Variants in SEMA5A observed in about 807,000 individuals in gnomAD.
The protein encoded by SEMA5A is semaphorin 5A.
Under a neutral mutation model 135.5 loss-of-function variants are expected in SEMA5A, and 55 were observed. The observed-to-expected ratio is 0.41, with a 90% confidence interval of 0.33 to 0.51. The LOEUF (loss-of-function observed/expected upper bound fraction) is 0.51. SEMA5A is among the 20% of genes least tolerant of loss of function. The pLI is 0.37. For synonymous variants in SEMA5A, 580 were observed against 546.5 expected, an observed-to-expected ratio of 1.06 and a Z score of -0.85; for missense variants, 1,290 against 1,419.9, an observed-to-expected ratio of 0.91 and a Z score of 1.47.
intron 11 of SEMA5A, among the ~76,000 whole-genome samples, chr5:9,181,890 G>GC (rs1744533418): frequency 6.6e-6 from 1 of 151,322 alleles, no homozygotes; most frequent in Admixed American, 6.6e-5. Context: ...ACTCCCAGCC[G>GC]CAGAGTCCCT....
At chr5:9,111,784 G>T (rs550232445) in intron 15 of SEMA5A, among the ~76,000 whole-genome samples, 1 of 152,258 alleles carries the variant, frequency 6.6e-6, no homozygotes, top group East Asian at 1.9e-4. Context: ...GTGCTTGGAA[G>T]CCTGTAAGTA....
chr5:9,120,186 T>C (rs918621603), intron 14 of SEMA5A, among the ~76,000 whole-genome samples: 1 of 152,132 alleles, frequency 6.6e-6, no homozygotes, highest in Non-Finnish European at 1.5e-5. Context: ...CAATCACATA[T>C]GCATTTCTTT....
intron 5 of SEMA5A, among the ~76,000 whole-genome samples, chr5:9,249,498 T>C (rs1430595371): frequency 1.3e-5 from 2 of 152,212 alleles, no homozygotes; most frequent in Non-Finnish European, 2.9e-5. Context: ...TCCCTGGGTA[T>C]CTCCCGTGTG....
At chr5:9,059,170 T>C (rs1475601686) in intron 18 of SEMA5A, among the ~76,000 whole-genome samples, 1 of 144,610 alleles carries the variant, frequency 6.9e-6, no homozygotes, top group East Asian at 1.9e-4. Context: ...CATTTTCTTT[T>C]CTTTTTTTTT....
In SEMA5A at chr5:9,136,624, G is replaced by A. The variant is rs1451173798; in HGVS notation, c.1482-3C>T. The A allele has an allele frequency of 6.2e-7, 1 of 1,609,032 alleles. No homozygotes were observed. Among genetic ancestry groups the A allele is most frequent in the Non-Finnish European group, 8.5e-7 (1 of 1,175,620 alleles). ...GGTCCTGGGCCCCAATGCAGGTGCT[G>A]GAAACACACACCAAATGGTCAACAG... On this transcript the variant is annotated splice_polypyrimidine_tract_variant and splice_region_variant and intron_variant, in intron 12 of 22. Coordinates refer to ENST00000382496, the MANE Select transcript of SEMA5A (RefSeq NM_003966.3).
intron 4 of SEMA5A, among the ~76,000 whole-genome samples, chr5:9,324,315 A>G (rs1490417868): frequency 6.6e-6 from 1 of 151,656 alleles, no homozygotes; most frequent in Non-Finnish European, 1.5e-5. Context: ...TGATCCACCC[A>G]CATCAGCCTC....
chr5:9,229,131 T>C (rs1747480212), intron 6 of SEMA5A, among the ~76,000 whole-genome samples: 1 of 152,164 alleles, frequency 6.6e-6, no homozygotes, highest in Non-Finnish European at 1.5e-5. Flanking sequence ...CAAGGGTGGA[T>C]TATCCTCCTA....
intron 11 of SEMA5A, among the ~76,000 whole-genome samples, chr5:9,181,642 A>G (rs1744517113): frequency 6.6e-6 from 1 of 152,084 alleles, no homozygotes; most frequent in South Asian, 2.1e-4. Flanking sequence ...CCCAGGTTCT[A>G]GGTCTGCATC....
At chr5:9,134,979 A>G (rs1031143310) in intron 13 of SEMA5A, among the ~76,000 whole-genome samples, 3 of 152,156 alleles carry the variant, frequency 2.0e-5, no homozygotes, top group Non-Finnish European at 4.4e-5. Flanking sequence ...GGCTACTAAA[A>G]TAATAGATCT....
At chr5:9,163,059 T>C (rs1743381214) in intron 11 of SEMA5A, among the ~76,000 whole-genome samples, 1 of 152,142 alleles carries the variant, frequency 6.6e-6, no homozygotes, top group South Asian at 2.1e-4. Context: ...TAGCAGTTGT[T>C]ATTCCAGGAA....
At chr5:9,248,918 T>C (rs1748623925) in intron 5 of SEMA5A, among the ~76,000 whole-genome samples, 1 of 152,224 alleles carries the variant, frequency 6.6e-6, no homozygotes, top group Non-Finnish European at 1.5e-5. Context: ...AAAATTTCTG[T>C]TGCTCTAACC....
At chr5:9,271,282 T>C (rs1749960681) in intron 5 of SEMA5A, among the ~76,000 whole-genome samples, 1 of 152,202 alleles carries the variant, frequency 6.6e-6, no homozygotes, top group South Asian at 2.1e-4. Context: ...CCATGCTTCC[T>C]GTTAAGCCTG....
intron 11 of SEMA5A, 74 bp downstream of exon 11, chr5:9,190,193 T>C (rs1745022022): frequency 2.0e-6 from 3 of 1,470,432 alleles, no homozygotes; most frequent in Non-Finnish European, 9.4e-7. Context: ...TGAAATTGAA[T>C]GTTTAGAATC....
At chr5:9,473,988 G>C (rs1473760716) in intron 1 of SEMA5A, among the ~76,000 whole-genome samples, 1 of 152,106 alleles carries the variant, frequency 6.6e-6, no homozygotes, top group East Asian at 1.9e-4. Flanking sequence ...GATAGGAATG[G>C]AATGCCCACT....
At position 9,194,973 on chromosome 5, in the gene SEMA5A, G is replaced by A. The variant is rs544247805; in HGVS notation, c.1068+2195C>T. Among the ~76,000 whole-genome samples, 56 of 152,300 alleles carry A rather than the reference G, an allele frequency of 3.7e-4. 1 individual carries two copies. In the South Asian group the frequency reaches 0.011, roughly 29 times the overall value. On this transcript the variant is annotated intron_variant, in intron 10 of 22. Coordinates refer to ENST00000382496, the MANE Select transcript of SEMA5A (RefSeq NM_003966.3). ...GGGGCTATGAAGTTTACTAAGCCAC[G>A]CTGTTCACAGTAAGGCCTTCTGCAA... is the stretch of plus-strand genomic sequence containing the variant.
At position 9,272,875 on chromosome 5, in the gene SEMA5A, C is replaced by T. The variant is rs945869626; in HGVS notation, c.271-34985G>A. ...GCCAAAGGTCACTGACTTCAAAGAC[C>T]AAAGGTAGATAAATCCACGAAGATG... On this transcript the variant is annotated intron_variant, in intron 5 of 22. Coordinates refer to ENST00000382496, the MANE Select transcript of SEMA5A (RefSeq NM_003966.3). Among the ~76,000 whole-genome samples, 5 of 152,220 alleles carry T rather than the reference C, an allele frequency of 3.3e-5. No homozygotes were observed. The East Asian group carries it at 9.7e-4, about 29-fold the overall frequency.
At chr5:9,142,334 C>G (rs1016452317) in intron 12 of SEMA5A, among the ~76,000 whole-genome samples, 1 of 152,092 alleles carries the variant, frequency 6.6e-6, no homozygotes, top group African/African-American at 2.4e-5. Flanking sequence ...GAAAAGCACT[C>G]AGTGGGGAGA....
At chr5:9,539,567 C>A (rs11951779) in intron 1 of SEMA5A, among the ~76,000 whole-genome samples, 14,655 of 152,144 alleles carry the variant, frequency 0.096, 957 homozygotes, top group Non-Finnish European at 0.14. Context: ...TGAGAACATC[C>A]CTGAATTTCA....
At chr5:9,334,930 C>T (rs1753316034) in intron 4 of SEMA5A, among the ~76,000 whole-genome samples, 1 of 152,114 alleles carries the variant, frequency 6.6e-6, no homozygotes, top group South Asian at 2.1e-4. Flanking sequence ...ACTCAGCGGC[C>T]CATCCGATCC....
Sources: gnomAD v4.1 joint callset for allele counts (sites outside exome capture counted in the v4.1 genomes callset) on GRCh38, gnomAD v4.1.1 for gene constraint, MANE v1.5 for transcripts, NCBI Gene and HGNC (gene_info 2026-07-23, HGNC 2026-07-21) for gene names.